DLG2: variants seen among roughly 807,000 people sequenced by gnomAD.
DLG2 encodes the protein discs large MAGUK scaffold protein 2.
DLG2 carries 45 observed loss-of-function variants against 132.5 expected under a neutral mutation model. The ratio of observed to expected loss-of-function variants is 0.34; its 90% CI spans 0.27 to 0.44. DLG2 has a LOEUF of 0.44. Ranked by LOEUF, DLG2 falls within the 20% of genes least tolerant of loss-of-function variation. DLG2 has a pLI of 1.00. For synonymous variants in DLG2, 424 were observed against 419.6 expected (o/e 1.01, Z -0.13); for missense variants, 1,045 against 1,196.9 (o/e 0.87, Z 1.87).
chr11:84,089,295 CA>C (rs1029004299), intron 10 of DLG2, among the ~76,000 whole-genome samples: 1 of 152,040 alleles, frequency 6.6e-6, no homozygotes, highest in South Asian at 2.1e-4. Flanking sequence ...AAAAAACAAA[CA>C]AAAAAACCAA....
At chr11:84,316,923 C>T (rs746936456) in intron 7 of DLG2, 106 of 1,612,740 alleles carry the variant, frequency 6.6e-5, no homozygotes, top group Middle Eastern at 1.6e-4. Flanking sequence ...CGCACACTGT[C>T]CCACAAGGTC....
At chr11:84,493,659 G>A (rs1180789003) in intron 7 of DLG2, among the ~76,000 whole-genome samples, 4 of 152,050 alleles carry the variant, frequency 2.6e-5, no homozygotes, top group Non-Finnish European at 4.4e-5. Context: ...ACATAGCTCT[G>A]AGATGGCCTG....
At chr11:84,681,798 G>A (rs898714022) in intron 6 of DLG2, among the ~76,000 whole-genome samples, 3 of 149,240 alleles carry the variant, frequency 2.0e-5, no homozygotes, top group Non-Finnish European at 4.5e-5. Context: ...GAAAAAGCAA[G>A]AACCAATGTG....
At chr11:84,041,188 A>C (rs1196986665) in intron 11 of DLG2, among the ~76,000 whole-genome samples, 1 of 151,954 alleles carries the variant, frequency 6.6e-6, no homozygotes, top group Non-Finnish European at 1.5e-5. Context: ...CAATACAATT[A>C]TTGTAGCTAT....
At chr11:84,387,630 A>G (rs1304614869) in intron 7 of DLG2, among the ~76,000 whole-genome samples, 1 of 152,168 alleles carries the variant, frequency 6.6e-6, no homozygotes, top group Non-Finnish European at 1.5e-5. Context: ...CAAGAAGTGT[A>G]CAGTACCCAA....
intron 19 of DLG2, among the ~76,000 whole-genome samples, chr11:83,620,864 C>T (rs1347560511): frequency 4.4e-4 from 33 of 75,448 alleles, no homozygotes; most frequent in Non-Finnish European, 1.8e-4. Flanking sequence ...AGCGAGACTC[C>T]GTCTCAAAAA....
intron 6 of DLG2, among the ~76,000 whole-genome samples, chr11:84,594,491 G>C (rs1265567105): frequency 6.6e-6 from 1 of 152,080 alleles, no homozygotes; most frequent in African/African-American, 2.4e-5. Flanking sequence ...AATTCACTAG[G>C]AAGAAAAAGA....
At chr11:85,012,518 C>G (rs575769199) in intron 6 of DLG2, among the ~76,000 whole-genome samples, 1 of 151,354 alleles carries the variant, frequency 6.6e-6, no homozygotes, top group Admixed American at 6.6e-5. Context: ...GAGCAAAACT[C>G]TGTCTCAAGA....
chr11:83,734,385 TTCCTTCCTTCCTTCCTTCCTTCCCTCCC>T lies in DLG2; in HGVS notation c.1825+52277_1825+52304del, dbSNP rs1193542045. Among the ~76,000 whole-genome samples the T allele has an allele frequency of 1.7e-3, 226 of 136,832 alleles. 3 individuals carry two copies. Among genetic ancestry groups the T allele is most frequent in the African/African-American group, 5.8e-3 (211 of 36,362 alleles). 89.8% of individuals were successfully genotyped at this position (136,832 alleles called of 152,430 possible). On this transcript the variant is annotated intron_variant, in intron 18 of 27. Coordinates refer to ENST00000376104, the MANE Select transcript of DLG2 (RefSeq NM_001142699.3). ...CTTCCTTCCTTCCTTCCTTCCTTCC[TTCCTTCCTTCCTTCCTTCCTTCCCTCCC>T]TCCTTCCCTCCCTCCTTCCTTTCTC...
intron 11 of DLG2, among the ~76,000 whole-genome samples, chr11:84,036,802 C>T (rs2095874891): frequency 6.6e-6 from 1 of 152,092 alleles, no homozygotes; most frequent in African/African-American, 2.4e-5. Flanking sequence ...GGTCACAGCA[C>T]CTTCTGTGAA....
At chr11:83,836,311 A>G (rs1383866006) in intron 16 of DLG2, among the ~76,000 whole-genome samples, 1 of 152,198 alleles carries the variant, frequency 6.6e-6, no homozygotes, top group African/African-American at 2.4e-5. Flanking sequence ...TTAACCAAAT[A>G]GCTGGACACT....
intron 7 of DLG2, among the ~76,000 whole-genome samples, chr11:84,346,731 C>G (rs2098540994): frequency 6.6e-6 from 1 of 152,136 alleles, no homozygotes; most frequent in Non-Finnish European, 1.5e-5. Context: ...GCACATGCCA[C>G]CACACCCAGC....
At chr11:84,645,025 G>A (rs956874406) in intron 6 of DLG2, among the ~76,000 whole-genome samples, 2 of 152,102 alleles carry the variant, frequency 1.3e-5, no homozygotes, top group Non-Finnish European at 2.9e-5. Context: ...CATTAAGAAA[G>A]TTAACAGCTT....
intron 7 of DLG2, among the ~76,000 whole-genome samples, chr11:84,482,666 T>C (rs1196682558): frequency 2.0e-5 from 3 of 152,212 alleles, no homozygotes; most frequent in Non-Finnish European, 2.9e-5. Flanking sequence ...ATTTTGGTAG[T>C]TCCAAACAAC....
intron 19 of DLG2, among the ~76,000 whole-genome samples, chr11:83,578,951 A>G (rs535809): frequency 0.48 from 72,497 of 152,014 alleles, 17,919 homozygotes; most frequent in Admixed American, 0.57. Context: ...AGCATTCAAG[A>G]CCTGCCTAGT....
intron 6 of DLG2, among the ~76,000 whole-genome samples, chr11:85,014,497 C>T (rs1489381707): frequency 6.6e-6 from 1 of 152,168 alleles, no homozygotes; most frequent in Non-Finnish European, 1.5e-5. Flanking sequence ...TAATATCTCA[C>T]TTCAAGCCCT....
chr11:85,141,870 T>C (rs1488605876), intron 5 of DLG2, among the ~76,000 whole-genome samples: 1 of 151,930 alleles, frequency 6.6e-6, no homozygotes, highest in Non-Finnish European at 1.5e-5. Flanking sequence ...ATGGTAGATG[T>C]ATGGATTTAT....
At chr11:85,236,799 T>G (rs2075610294) in intron 4 of DLG2, among the ~76,000 whole-genome samples, 1 of 152,052 alleles carries the variant, frequency 6.6e-6, no homozygotes, top group African/African-American at 2.4e-5. Context: ...GTTCACATAG[T>G]TATTCAAAAA....
chr11:84,077,733 G>A (rs753885646), intron 10 of DLG2, among the ~76,000 whole-genome samples: 38 of 152,086 alleles, frequency 2.5e-4, no homozygotes, highest in Middle Eastern at 3.4e-3. Flanking sequence ...TGAAGTCCAC[G>A]CTCACAATTT....
Sources: gnomAD v4.1 joint callset for allele counts (sites outside exome capture counted in the v4.1 genomes callset) on GRCh38, gnomAD v4.1.1 for gene constraint, MANE v1.5 for transcripts, NCBI Gene and HGNC (gene_info 2026-07-23, HGNC 2026-07-21) for gene names.